The following NTF3 variants were observed in gnomAD, a reference collection of about 807,000 sequenced individuals.
NTF3 encodes neurotrophin-3.
Under a neutral mutation model 26.3 loss-of-function variants are expected in NTF3, and 8 were observed. The ratio of observed to expected loss-of-function variants is 0.30; its 90% confidence interval spans 0.18 to 0.55. The LOEUF is 0.55. Among genes scored for constraint, NTF3 ranks in the 20% least tolerant of loss-of-function variants. The probability of loss-of-function intolerance (pLI) is 0.93; values close to 1 mark genes in which losing one functional copy is unlikely to be tolerated. For synonymous variants in NTF3, 154 were observed against 145.5 expected, an observed-to-expected ratio of 1.06 and a Z score of -0.42; for missense variants, 276 against 352.9, an observed-to-expected ratio of 0.78 and a Z score of 1.75.
chr12:5,491,773 G>A (rs1940941117), intron 1 of NTF3, among the ~76,000 whole-genome samples: 1 of 141,260 alleles, frequency 7.1e-6, no homozygotes, highest in South Asian at 2.3e-4. Flanking sequence ...AGGCTGGAGT[G>A]CAGTGGCGTG....
chr12:5,485,364 G>A (rs745489257), intron 1 of NTF3, among the ~76,000 whole-genome samples: 33 of 152,192 alleles, frequency 2.2e-4, no homozygotes, highest in Non-Finnish European at 3.1e-4. Flanking sequence ...GAGATATTCC[G>A]CAGTATTAGC....
At chr12:5,482,608 T>C (rs1474986460) in intron 1 of NTF3, among the ~76,000 whole-genome samples, 1 of 151,744 alleles carries the variant, frequency 6.6e-6, no homozygotes, top group East Asian at 1.9e-4. Context: ...CTTTCCAATT[T>C]TCCCCAACCA....
At chr12:5,460,014 T>C (rs1190942768) in intron 1 of NTF3, among the ~76,000 whole-genome samples, 2 of 152,194 alleles carry the variant, frequency 1.3e-5, no homozygotes, top group Non-Finnish European at 2.9e-5. Flanking sequence ...CTCCTTTCAT[T>C]TTTTAAAATT....
rs758771609 is a variant in NTF3, at chr12:5,494,200, C to G, written c.25C>G (p.Gln9Glu). The G allele has an allele frequency of 5.0e-6, 8 of 1,612,826 alleles. No individual in the cohort carries two copies. The highest frequency in any genetic ancestry group is 3.3e-5 in the Admixed American group (2 of 60,020). Reference protein sequence around the residue: MVTFATILQVNKVMSILFY... With the variant: MVTFATILEVNKVMSILFY... The stretch of plus-strand genomic sequence containing the variant: ...ACCTGTGTTTCCTTTTCAGATCTTA[C>G]AGGTGAACAAGGTGATGTCCATCTT... The change falls in exon 2 of 2, where the codon CAG (glutamine) becomes GAG (glutamate). Residue 9 changes from glutamine to glutamate, a missense_variant. Transcript: ENST00000423158. The surrounding 1 kb of genome is among the most constrained non-coding windows in gnomAD (Gnocchi z 8.3).
intron 1 of NTF3, among the ~76,000 whole-genome samples, chr12:5,453,880 A>T (rs945735943): frequency 6.6e-6 from 1 of 152,216 alleles, no homozygotes; most frequent in African/African-American, 2.4e-5. Context: ...GACACATTCC[A>T]GGAGCTCTTT....
chr12:5,458,914 C>T (rs1486587206), intron 1 of NTF3, among the ~76,000 whole-genome samples: 3 of 152,174 alleles, frequency 2.0e-5, no homozygotes, highest in Admixed American at 2.0e-4. Flanking sequence ...CAACCTTGCT[C>T]ACTCACATGG....
intron 1 of NTF3, among the ~76,000 whole-genome samples, chr12:5,491,411 A>G (rs75399874): frequency 6.6e-6 from 1 of 152,264 alleles, no homozygotes; most frequent in African/African-American, 2.4e-5. Flanking sequence ...ATTACAAAGT[A>G]TCATGGCAAG....
chr12:5,466,125 A>G (rs933635113), intron 1 of NTF3, among the ~76,000 whole-genome samples: 1 of 152,226 alleles, frequency 6.6e-6, no homozygotes, highest in Non-Finnish European at 1.5e-5. Flanking sequence ...TGTGGGCGTC[A>G]TGCAGCCCTT....
chr12:5,481,504 T>TA (rs374343597), intron 1 of NTF3, among the ~76,000 whole-genome samples: 1 of 13,294 alleles, frequency 7.5e-5, no homozygotes, highest in East Asian at 3.3e-3. Context: ...ATACACAGAA[T>TA]ACCACACACA....
At position 5,456,595 on chromosome 12, in the gene NTF3, G is replaced by A. The variant is rs1940453000; in HGVS notation, c.18+24253G>A. On this transcript the variant is annotated intron_variant, in intron 1 of 1. Coordinates refer to ENST00000423158, the MANE Select transcript of NTF3 (RefSeq NM_001102654.2). This position sits in a 1 kb window ranked among gnomAD's most constrained non-coding sequence, Gnocchi z 4.4. ...TTGCAGCCCTGATCGTGAGCTCTGGGGGTCCTCTTCCACCCCCACCCCCAC... is the reference window on the plus strand; with the variant it reads ...TTGCAGCCCTGATCGTGAGCTCTGGAGGTCCTCTTCCACCCCCACCCCCAC... Among the ~76,000 whole-genome samples the A allele has an allele frequency of 6.6e-6, 1 of 152,092 alleles. No individual in the cohort carries two copies. Among genetic ancestry groups the A allele is most frequent in the Admixed American group, 6.5e-5 (1 of 15,272 alleles).
At chr12:5,478,063 C>T (rs942048662) in intron 1 of NTF3, among the ~76,000 whole-genome samples, 6 of 152,180 alleles carry the variant, frequency 3.9e-5, no homozygotes, top group Non-Finnish European at 5.9e-5. Flanking sequence ...TAAAGGTTTA[C>T]TGTGCTTTAA....
chr12:5,457,995 C>T (rs766665648), intron 1 of NTF3, among the ~76,000 whole-genome samples: 17 of 152,174 alleles, frequency 1.1e-4, no homozygotes, highest in Admixed American at 3.3e-4. Context: ...TTGCCATCCT[C>T]CATACTTTGC....
intron 1 of NTF3, among the ~76,000 whole-genome samples, chr12:5,482,955 C>G (rs1940825733): frequency 6.6e-6 from 1 of 151,604 alleles, no homozygotes; most frequent in African/African-American, 2.4e-5. Flanking sequence ...CTTTGTCCCC[C>G]TCTCTCCCTA....
chr12:5,474,168 G>A (rs1266346799), intron 1 of NTF3, among the ~76,000 whole-genome samples: 1 of 152,196 alleles, frequency 6.6e-6, no homozygotes, highest in African/African-American at 2.4e-5. Context: ...CTTTGATCCA[G>A]TGACTTTATT....
intron 1 of NTF3, chr12:5,493,985 CAGACCTGG>C (rs2121261535): frequency 8.5e-6 from 5 of 587,824 alleles, no homozygotes; most frequent in Admixed American, 6.0e-5. Flanking sequence ...GCAGAGTCGG[CAGACCTGG>C]AGTGCATTCG....
At chr12:5,489,312 C>T (rs914670165) in intron 1 of NTF3, among the ~76,000 whole-genome samples, 2 of 152,194 alleles carry the variant, frequency 1.3e-5, no homozygotes, top group African/African-American at 2.4e-5. Context: ...TGACAGCAGC[C>T]GTCCTGGCTC....
rs1370504771 is a variant in NTF3, at chr12:5,494,595, C to T, written c.420C>T (p.Pro140=). 1 of 1,614,066 alleles carries T rather than the reference C, an allele frequency of 6.2e-7. No individual in the cohort carries two copies. Among genetic ancestry groups the T allele is most frequent in the Admixed American group, 1.7e-5 (1 of 60,012 alleles). Residue 140 remains proline, a synonymous_variant, in exon 2 of 2, where the codon CCC becomes CCT. Transcript: ENST00000423158. The surrounding 1 kb of genome is among the most constrained non-coding windows in gnomAD (Gnocchi z 8.3). ...TCATGGAGGATTACGTGGGCAGCCC[C>T]GTGGTGGCGAACAGAACATCACGGC... The part of the protein sequence containing the change: ...LYLMEDYVGS[P]VVANRTSRRK...
chr12:5,469,120 C>CA (rs920267333), intron 1 of NTF3, among the ~76,000 whole-genome samples: 128 of 137,310 alleles, frequency 9.3e-4, no homozygotes, highest in Middle Eastern at 3.6e-3. Context: ...GATCCTGTCT[C>CA]AAAAAAAAAA....
chr12:5,465,947 G>A (rs1270159899), intron 1 of NTF3, among the ~76,000 whole-genome samples: 2 of 152,206 alleles, frequency 1.3e-5, no homozygotes, highest in Non-Finnish European at 2.9e-5. Context: ...TCCCCATCGA[G>A]CCTCAGAGAG....
Sources: allele counts gnomAD v4.1 joint callset (sites outside exome capture counted in the v4.1 genomes callset), GRCh38; gene constraint gnomAD v4.1.1; non-coding constraint Gnocchi (gnomAD v3.1); transcripts MANE v1.5; gene names NCBI Gene and HGNC (gene_info 2026-07-23, HGNC 2026-07-21).